The following GLIS3 variants were observed in gnomAD, a reference collection of about 807,000 sequenced individuals.
The protein encoded by GLIS3 is zinc finger protein GLIS3.
A neutral mutation model predicts 78.6 loss-of-function variants in GLIS3; 53 were observed. The observed-to-expected ratio is 0.67, with a 90% confidence interval of 0.54 to 0.85. The LOEUF is 0.85. GLIS3 is among the 40% of genes least tolerant of loss of function. The pLI, the probability that GLIS3 is intolerant of heterozygous loss-of-function variation, is 0.00. For missense variants in GLIS3, 1,703 were observed against 1,231.1 expected, an observed-to-expected ratio of 1.38 and a Z score of -5.74; for synonymous variants, 684 against 509.9, an observed-to-expected ratio of 1.34 and a Z score of -4.60.
the GLIS3 span, among the ~76,000 whole-genome samples, chr9:4,405,131 G>T: frequency 6.6e-6 from 1 of 152,026 alleles, no homozygotes. Flanking sequence ...GAGGAGGGTG[G>T]ATCACCTGAG....
At chr9:3,884,855 A>G (rs928745250) in intron 7 of GLIS3, among the ~76,000 whole-genome samples, 3 of 152,152 alleles carry the variant, frequency 2.0e-5, no homozygotes, top group African/African-American at 7.2e-5. Flanking sequence ...TTGCCTCCCA[A>G]AGGCAAGACA....
At chr9:4,108,104 T>G (rs1830916832) in intron 4 of GLIS3, among the ~76,000 whole-genome samples, 1 of 152,180 alleles carries the variant, frequency 6.6e-6, no homozygotes, top group South Asian at 2.1e-4. Flanking sequence ...AGAAATTACT[T>G]AGCTCTGAGG....
intron 2 of GLIS3, among the ~76,000 whole-genome samples, chr9:4,249,924 T>C (rs2129843322): frequency 6.6e-6 from 1 of 152,358 alleles, no homozygotes; most frequent in Middle Eastern, 3.4e-3. Context: ...ATTACATTTA[T>C]TGATTTGCAT....
intron 2 of GLIS3, among the ~76,000 whole-genome samples, chr9:4,260,201 G>A (rs955167975): frequency 6.6e-6 from 1 of 152,186 alleles, no homozygotes; most frequent in African/African-American, 2.4e-5. Context: ...GGGAGGCCGA[G>A]GCAGGCGGAT....
chr9:4,311,179 C>A (rs1329939752), intron 2 of GLIS3, among the ~76,000 whole-genome samples: 1 of 152,176 alleles, frequency 6.6e-6, no homozygotes, highest in Non-Finnish European at 1.5e-5. Flanking sequence ...GAGGCTGAGG[C>A]AGGCGGATCA....
chr9:4,140,451 T>A (rs962647344), intron 2 of GLIS3, among the ~76,000 whole-genome samples: 4 of 152,198 alleles, frequency 2.6e-5, no homozygotes, highest in African/African-American at 9.7e-5. Context: ...CTCCATATTC[T>A]GCATGGGCTT....
At chr9:3,943,990 CT>C (rs1483075634) in intron 4 of GLIS3, among the ~76,000 whole-genome samples, 1 of 152,166 alleles carries the variant, frequency 6.6e-6, no homozygotes, top group East Asian at 1.9e-4. Context: ...AACTTCCTGG[CT>C]TGTTGCGCTG....
intron 4 of GLIS3, among the ~76,000 whole-genome samples, chr9:3,964,732 G>A (rs193199849): frequency 5.9e-5 from 9 of 152,156 alleles, no homozygotes; most frequent in African/African-American, 2.2e-4. Context: ...ATTGGTATCA[G>A]GTGAAATGAT....
At chr9:4,420,330 C>T in the GLIS3 span, among the ~76,000 whole-genome samples, 1 of 152,160 alleles carries the variant, frequency 6.6e-6, no homozygotes, top group African/African-American at 2.4e-5. Flanking sequence ...ATCACTGAAG[C>T]CATATTCTAT....
chr9:4,465,473 C>G, the GLIS3 span, among the ~76,000 whole-genome samples: 20 of 152,168 alleles, frequency 1.3e-4, no homozygotes, highest in African/African-American at 4.8e-4. Flanking sequence ...CTCTTGAACC[C>G]GGAAGACAGA....
chr9:4,395,806 G>A, the GLIS3 span, among the ~76,000 whole-genome samples: 280 of 135,552 alleles, frequency 2.1e-3, no homozygotes, highest in African/African-American at 7.1e-3. Flanking sequence ...ATGGACTCTC[G>A]CTCTGTCACC....
chr9:4,019,209 C>T (rs1001225756), intron 4 of GLIS3, among the ~76,000 whole-genome samples: 2 of 152,156 alleles, frequency 1.3e-5, no homozygotes, highest in Non-Finnish European at 2.9e-5. Context: ...TATGGAATGG[C>T]GTTTAAAGTT....
rs56254712 is a variant in GLIS3 at position 4,037,547 on chromosome 9, AACACACACACACACAC to A, written c.1710+80205_1710+80220del. On this transcript the variant is annotated intron_variant, in intron 4 of 10. Coordinates refer to ENST00000381971, the MANE Select transcript of GLIS3 (RefSeq NM_001042413.2). ...GCAGTGGGCAGATGTGTGTGCACAC[AACACACACACACACAC>A]ACACACACACACACACACACAGAGA... 2.3e-3 allele frequency among the ~76,000 whole-genome samples: 336 copies of A among 147,486 alleles called. 1 individual carries two copies. Among genetic ancestry groups the A allele is most frequent in the Non-Finnish European group, 3.8e-3 (256 of 67,014 alleles).
At chr9:4,336,968 G>A (rs770635203) in intron 2 of GLIS3, among the ~76,000 whole-genome samples, 4 of 152,186 alleles carry the variant, frequency 2.6e-5, no homozygotes, top group Admixed American at 6.5e-5. Context: ...ATTTCCAGAG[G>A]ACAGAATATA....
the GLIS3 span, among the ~76,000 whole-genome samples, chr9:4,483,597 G>A: frequency 2.5e-3 from 378 of 152,148 alleles, 1 homozygote; most frequent in African/African-American, 8.5e-3. Context: ...GTGCACGCCT[G>A]TAATCCCAAC....
intron 2 of GLIS3, among the ~76,000 whole-genome samples, chr9:4,259,275 A>T (rs1246919444): frequency 8.1e-6 from 1 of 124,132 alleles, no homozygotes; most frequent in African/African-American, 3.3e-5. Context: ...ATTTATTTAT[A>T]TTTTCTAAGA....
At chr9:4,182,801 G>A (rs1431496935) in intron 2 of GLIS3, among the ~76,000 whole-genome samples, 3 of 152,192 alleles carry the variant, frequency 2.0e-5, no homozygotes, top group Non-Finnish European at 4.4e-5. Flanking sequence ...CAAGGGTGAT[G>A]ACAACTGCTA....
chr9:4,044,662 G>A (rs1441562637), intron 4 of GLIS3, among the ~76,000 whole-genome samples: 2 of 152,190 alleles, frequency 1.3e-5, no homozygotes, highest in Admixed American at 6.5e-5. Flanking sequence ...TCTACAAGGT[G>A]AACCACTACC....
chr9:3,936,877 T>C, intron 5 of GLIS3, 151 bp downstream of exon 5: 4 of 966,934 alleles, frequency 4.1e-6, no homozygotes, highest in Non-Finnish European at 6.5e-6. Flanking sequence ...TAGGGCCCCA[T>C]CTGGCCTTTT....
Sources: gnomAD v4.1 joint callset for allele counts (sites outside exome capture counted in the v4.1 genomes callset) on GRCh38, gnomAD v4.1.1 for gene constraint, MANE v1.5 for transcripts, NCBI Gene and HGNC (gene_info 2026-07-23, HGNC 2026-07-21) for gene names.